Variants in ATE1 observed in about 807,000 individuals in gnomAD.
ATE1 encodes the protein arginyl-tRNA--protein transferase 1.
ATE1 carries 36 observed loss-of-function variants against 70.5 expected under a neutral mutation model. The ratio of observed to expected loss-of-function variants is 0.51; its 90% CI spans 0.39 to 0.67. The LOEUF (loss-of-function observed/expected upper bound fraction) is 0.67. Ranked by LOEUF, ATE1 falls within the 30% of genes least tolerant of loss-of-function variation. The pLI is 0.00. For missense variants in ATE1, 593 were observed against 629.5 expected (o/e 0.94, Z 0.62); for synonymous variants, 232 against 219.3 (o/e 1.06, Z -0.51).
At chr10:121,927,266 A>C (rs952861198) in intron 1 of ATE1, 4 of 985,214 alleles carry the variant, frequency 4.1e-6, no homozygotes, top group East Asian at 2.3e-4. Flanking sequence ...TAAAAATTTC[A>C]AACAGATCAG....
At chr10:121,778,997 A>C (rs1294037380) in intron 11 of ATE1, among the ~76,000 whole-genome samples, 1 of 152,028 alleles carries the variant, frequency 6.6e-6, no homozygotes, top group East Asian at 1.9e-4. Flanking sequence ...TTAGCTTCCC[A>C]ATACCATGGC....
At chr10:121,897,740 C>T (rs762420614) in intron 7 of ATE1, among the ~76,000 whole-genome samples, 3 of 151,190 alleles carry the variant, frequency 2.0e-5, no homozygotes, top group East Asian at 2.0e-4. Flanking sequence ...GCAGGAGAAT[C>T]GCTTGAACCC....
intron 7 of ATE1, among the ~76,000 whole-genome samples, chr10:121,887,884 G>A (rs920078634): frequency 6.6e-6 from 1 of 152,100 alleles, no homozygotes. Flanking sequence ...GCTAATAAGT[G>A]TAGAAACAAT....
In ATE1 at chr10:121,902,613, C is replaced by T. The variant is rs774586244; in HGVS notation, c.591G>A (p.Gly197=). ...KVHTVPKPGK[G]ADLSKPPCRK... ...GACATGGAGGCTTACTCAAATCAGCCCCTTTGCCTAAAAAGAATTTTAAAA... is the reference window on the plus strand; with the variant it reads ...GACATGGAGGCTTACTCAAATCAGCTCCTTTGCCTAAAAAGAATTTTAAAA... Residue 197 remains glycine (G), a synonymous_variant, in exon 6 of 12, where the codon GGG becomes GGA. Transcript: ENST00000224652. 3 of 1,603,494 alleles carry T rather than the reference C, an allele frequency of 1.9e-6. No homozygotes were observed. In the South Asian group the frequency reaches 3.3e-5, roughly 18 times the overall value.
chr10:121,841,325 T>C, intron 8 of ATE1, 62 bp from the exon 9 acceptor site: 1 of 1,130,864 alleles, frequency 8.8e-7, no homozygotes, highest in Non-Finnish European at 1.1e-6. Context: ...TTATAATTAA[T>C]ATATACTTTC....
At chr10:121,794,891 C>T (rs1031470464) in intron 10 of ATE1, among the ~76,000 whole-genome samples, 2 of 152,100 alleles carry the variant, frequency 1.3e-5, no homozygotes, top group African/African-American at 2.4e-5. Context: ...CTTGCGGATA[C>T]GCAGATTCAT....
chr10:121,823,523 A>AG (rs1947885546), intron 10 of ATE1, among the ~76,000 whole-genome samples: 1 of 152,196 alleles, frequency 6.6e-6, no homozygotes, highest in African/African-American at 2.4e-5. Flanking sequence ...CAACACACAG[A>AG]GCTTGGAGGC....
At chr10:121,868,906 T>C (rs1044685196) in intron 8 of ATE1, among the ~76,000 whole-genome samples, 1 of 152,134 alleles carries the variant, frequency 6.6e-6, no homozygotes, top group Non-Finnish European at 1.5e-5. Flanking sequence ...ATAGTTTCAA[T>C]AATCAAATAA....
chr10:121,802,724 CCT>C (rs1946939466), intron 10 of ATE1, among the ~76,000 whole-genome samples: 1 of 152,130 alleles, frequency 6.6e-6, no homozygotes, highest in Non-Finnish European at 1.5e-5. Flanking sequence ...TGAACCATCC[CCT>C]GTGCTGCCAG....
Position 121,911,785 on chromosome 10 carries a change from C to T in ATE1, c.338-634G>A, listed in dbSNP as rs1590706952. Among the ~76,000 whole-genome samples the T allele has an allele frequency of 2.0e-5, 3 of 151,960 alleles. No homozygotes were observed. In the East Asian group the frequency reaches 5.8e-4, roughly 30 times the overall value. On this transcript the variant is annotated intron_variant, in intron 4 of 11. Transcript: ENST00000224652. ...TTTTTTTTGAGGAGTCTCCCTCTGT[C>T]GCCCAGGCTGCAGTGCAGGGGCGCG...
chr10:121,900,109 A>C, intron 6 of ATE1, 115 bp from the exon 7 acceptor site: 1 of 1,151,758 alleles, frequency 8.7e-7, no homozygotes, highest in Non-Finnish European at 1.2e-6. Flanking sequence ...TTATTAAAGC[A>C]CCTAAATATT....
At chr10:121,832,080 T>C (rs1308132887) in intron 10 of ATE1, among the ~76,000 whole-genome samples, 1 of 152,206 alleles carries the variant, frequency 6.6e-6, no homozygotes, top group African/African-American at 2.4e-5. Context: ...CTAGTCCTCC[T>C]GAAATTCAAT....
At chr10:121,832,400 C>T (rs1351804057) in intron 10 of ATE1, among the ~76,000 whole-genome samples, 2 of 152,104 alleles carry the variant, frequency 1.3e-5, no homozygotes, top group Non-Finnish European at 2.9e-5. Context: ...TAGCACTATC[C>T]CCTAACAGAG....
chr10:121,890,679 C>T (rs1022375346), intron 7 of ATE1, among the ~76,000 whole-genome samples: 3 of 152,102 alleles, frequency 2.0e-5, no homozygotes, highest in Non-Finnish European at 2.9e-5. Context: ...AGGAAACCAA[C>T]GGCACATATT....
chr10:121,909,060 C>T (rs1951317164), intron 5 of ATE1, among the ~76,000 whole-genome samples: 1 of 152,194 alleles, frequency 6.6e-6, no homozygotes. Context: ...ACGATCTCAG[C>T]TCACTGCAGC....
At chr10:121,911,265 C>A in intron 4 of ATE1, 114 bp from the exon 5 acceptor site, 1 of 1,293,410 alleles carries the variant, frequency 7.7e-7, no homozygotes, top group Non-Finnish European at 1.1e-6. Context: ...ATCTGTCCAC[C>A]AAATCCATTC....
At chr10:121,867,580 T>A (rs1949706636) in intron 8 of ATE1, among the ~76,000 whole-genome samples, 1 of 152,162 alleles carries the variant, frequency 6.6e-6, no homozygotes, top group South Asian at 2.1e-4. Context: ...ACACTGATTA[T>A]AAGAAGCATT....
chr10:121,757,489 G>C (rs1403355932), intron 11 of ATE1, among the ~76,000 whole-genome samples: 1 of 152,184 alleles, frequency 6.6e-6, no homozygotes, highest in Non-Finnish European at 1.5e-5. Context: ...TGCTGATAAA[G>C]ACATACCTGA....
intron 3 of ATE1, among the ~76,000 whole-genome samples, chr10:121,916,522 G>A (rs997711432): frequency 2.6e-5 from 4 of 151,982 alleles, no homozygotes; most frequent in Admixed American, 2.6e-4. Context: ...AGAAAGAAGG[G>A]TTTCCAACTC....
Sources: gnomAD v4.1 joint callset for allele counts (sites outside exome capture counted in the v4.1 genomes callset) on GRCh38, gnomAD v4.1.1 for gene constraint, MANE v1.5 for transcripts, NCBI Gene and HGNC (gene_info 2026-07-23, HGNC 2026-07-21) for gene names.